Variants in JAKMIP2 observed in about 807,000 individuals in gnomAD.
JAKMIP2 encodes the protein janus kinase and microtubule-interacting protein 2.
Under a neutral mutation model 115.0 loss-of-function variants are expected in JAKMIP2, and 25 were observed. That is an observed-to-expected ratio of 0.22 (90% confidence interval 0.16 to 0.30). The LOEUF is 0.30. JAKMIP2 is among the 10% of genes least tolerant of loss of function. JAKMIP2 has a pLI of 1.00. For missense variants in JAKMIP2, 642 were observed against 957.6 expected (o/e 0.67, Z 4.35); for synonymous variants, 334 against 343.6 (o/e 0.97, Z 0.31).
intron 21 of JAKMIP2, among the ~76,000 whole-genome samples, chr5:147,594,120 G>A (rs1471522477): frequency 1.3e-5 from 2 of 152,152 alleles, no homozygotes; most frequent in Non-Finnish European, 2.9e-5. Flanking sequence ...GGAATGTTAA[G>A]TTTCTATGAA....
At chr5:147,594,226 CAGG>C (rs1755238447) in intron 21 of JAKMIP2, 1 of 206,260 alleles carries the variant, frequency 4.8e-6, no homozygotes, top group African/African-American at 2.3e-5. Flanking sequence ...CAGTGGGTAA[CAGG>C]AGTTCTTTTT....
intron 15 of JAKMIP2, among the ~76,000 whole-genome samples, chr5:147,629,472 A>G (rs369661088): frequency 1.3e-5 from 2 of 152,148 alleles, no homozygotes; most frequent in African/African-American, 2.4e-5. Flanking sequence ...ACCTGCCCGC[A>G]AAAAGCACTT....
chr5:147,597,686 A>T (rs1303643392), intron 21 of JAKMIP2, among the ~76,000 whole-genome samples: 2 of 152,192 alleles, frequency 1.3e-5, no homozygotes, highest in Non-Finnish European at 2.9e-5. Context: ...CTATTTTTGT[A>T]TTCCTCTAAT....
chr5:147,777,664 A>G (rs2127090734), intron 1 of JAKMIP2, among the ~76,000 whole-genome samples: 1 of 152,290 alleles, frequency 6.6e-6, no homozygotes, highest in Non-Finnish European at 1.5e-5. Context: ...TACTTGTAGT[A>G]ATGAATAATG....
At chr5:147,695,170 A>G (rs1160692816) in intron 1 of JAKMIP2, among the ~76,000 whole-genome samples, 1 of 152,152 alleles carries the variant, frequency 6.6e-6, no homozygotes, top group Non-Finnish European at 1.5e-5. Context: ...TTTTTTTTGT[A>G]CTAAGTTTGG....
rs1754942978 is a variant in JAKMIP2 at position 147,587,947 on chromosome 5, A to C, written c.*3760T>G. Reference sequence around the variant, plus strand: ...CTGTATGAGCAGTTATTTGTGGGCCAAAAAAAAAAAAAAAAATTAAATCAA... The same window carrying C: ...CTGTATGAGCAGTTATTTGTGGGCCCAAAAAAAAAAAAAAAATTAAATCAA... On this transcript the variant is annotated 3_prime_UTR_variant, in exon 22 of 22. Transcript: ENST00000616793. The C allele has an allele frequency of 1.2e-5, 1 of 86,350 alleles. No homozygotes were observed. The highest frequency in any genetic ancestry group is 4.3e-5 in the African/African-American group (1 of 23,080). 5.3% of individuals were successfully genotyped at this position (86,350 alleles called of 1,614,324 possible). A position where few individuals can be genotyped will look rare whatever the true frequency, so the allele number is the denominator to read the frequency against.
chr5:147,705,033 T>C (rs1356916090), intron 1 of JAKMIP2, among the ~76,000 whole-genome samples: 1 of 152,218 alleles, frequency 6.6e-6, no homozygotes, highest in Non-Finnish European at 1.5e-5. Context: ...ACATTCAGGA[T>C]ACATGAGTGA....
At chr5:147,628,872 G>C (rs1235901263) in intron 15 of JAKMIP2, 56 bp from the exon 16 acceptor site, 3 of 1,293,240 alleles carry the variant, frequency 2.3e-6, no homozygotes, top group Non-Finnish European at 3.3e-6. Flanking sequence ...TTACCCCAAA[G>C]AAAATACTGT....
At chr5:147,630,229 A>G (rs984358281) in intron 14 of JAKMIP2, among the ~76,000 whole-genome samples, 1 of 152,168 alleles carries the variant, frequency 6.6e-6, no homozygotes, top group African/African-American at 2.4e-5. Context: ...GTAGAAAACT[A>G]TAGTGCAGTA....
chr5:147,622,523 G>C (rs574779596), intron 17 of JAKMIP2, among the ~76,000 whole-genome samples: 1 of 152,272 alleles, frequency 6.6e-6, no homozygotes, highest in Admixed American at 6.5e-5. Context: ...TCTGTGAATA[G>C]CTTATTTCAC....
chr5:147,778,263 C>T (rs1164069015), intron 1 of JAKMIP2, among the ~76,000 whole-genome samples: 3 of 151,948 alleles, frequency 2.0e-5, no homozygotes, highest in African/African-American at 7.2e-5. Context: ...CTCTAAAATG[C>T]TTTTTGTGTG....
At position 147,639,760 on chromosome 5, in the gene JAKMIP2, T is replaced by A; in HGVS notation, c.1402A>T (p.Ser468Cys). 1 of 1,605,872 alleles carries A rather than the reference T, an allele frequency of 6.2e-7. No individual in the cohort carries two copies. The part of the protein sequence containing the change: ...PATPDDDLDE[S>C]LAAEESELRF... ...AGTTCAGATTCTTCAGCTGCTAAAC[T>A]CTTGAGGTTAAGAAAAAAAGCCCCA... The change falls in exon 10 of 22, where the codon AGT becomes TGT. Residue 468 changes from serine (S) to cysteine (C), a missense_variant and splice_region_variant. Ser to Cys is a moderately radical substitution (Grantham distance 112, BLOSUM62 -1). This residue lies in a region of JAKMIP2 where 439 missense variants were observed against 570.9 expected (regional missense o/e 0.77). Coordinates refer to ENST00000616793, the MANE Select transcript of JAKMIP2 (RefSeq NM_001270941.2).
chr5:147,739,248 G>T (rs1459441194), intron 1 of JAKMIP2, among the ~76,000 whole-genome samples: 1 of 152,156 alleles, frequency 6.6e-6, no homozygotes, highest in Non-Finnish European at 1.5e-5. Flanking sequence ...CGGCTTTCCT[G>T]GGAGGGTGGA....
At chr5:147,657,266 C>G (rs572894259) in intron 3 of JAKMIP2, among the ~76,000 whole-genome samples, 1 of 151,086 alleles carries the variant, frequency 6.6e-6, no homozygotes, top group Non-Finnish European at 1.5e-5. Flanking sequence ...GGTGACAGAG[C>G]GAGACTCCGT....
intron 21 of JAKMIP2, among the ~76,000 whole-genome samples, chr5:147,600,025 C>G (rs1309731243): frequency 6.6e-6 from 1 of 151,190 alleles, no homozygotes; most frequent in African/African-American, 2.4e-5. Context: ...CTTCTGTAAA[C>G]CACCATGTAT....
chr5:147,682,885 T>C (rs1760362641), intron 1 of JAKMIP2, among the ~76,000 whole-genome samples: 1 of 152,236 alleles, frequency 6.6e-6, no homozygotes, highest in Non-Finnish European at 1.5e-5. Flanking sequence ...AAGCTTAATT[T>C]CACTCCTCAG....
At chr5:147,618,511 C>A (rs113590965) in intron 18 of JAKMIP2, among the ~76,000 whole-genome samples, 1 of 152,056 alleles carries the variant, frequency 6.6e-6, no homozygotes, top group Non-Finnish European at 1.5e-5. Context: ...CCGAGGCAGG[C>A]GGATCATCTG....
chr5:147,775,629 T>C (rs1172665885), intron 1 of JAKMIP2, among the ~76,000 whole-genome samples: 1 of 152,216 alleles, frequency 6.6e-6, no homozygotes, highest in Non-Finnish European at 1.5e-5. Flanking sequence ...AAGAATATGA[T>C]TTTGCCTTAT....
At position 147,722,498 on chromosome 5, in the gene JAKMIP2, C is replaced by T. The variant is rs79368656; in HGVS notation, c.-148-50544G>A. 3.1e-3 allele frequency among the ~76,000 whole-genome samples: 478 copies of T among 152,238 alleles called. 7 individuals carry two copies. Among genetic ancestry groups the T allele is most frequent in the African/African-American group, 0.011 (457 of 41,542 alleles). ...AAATCTCTAAATCTTGGAGGATTTG[C>T]ACCAATGAGTTCCAAAATGTCACAG... On this transcript the variant is annotated intron_variant, in intron 1 of 21. Transcript: ENST00000616793.
Sources: allele counts gnomAD v4.1 joint callset (sites outside exome capture counted in the v4.1 genomes callset), GRCh38; gene constraint gnomAD v4.1.1; regional missense constraint gnomAD v4.1.1; transcripts MANE v1.5; gene names NCBI Gene and HGNC (gene_info 2026-07-23, HGNC 2026-07-21).